ENPP2: variants seen among roughly 807,000 people sequenced by gnomAD.
The protein encoded by ENPP2 is ectonucleotide pyrophosphatase/phosphodiesterase 2.
In ENPP2, 51 loss-of-function variants were observed where a neutral mutation model predicts 120.2. The ratio of observed to expected loss-of-function variants is 0.42; its 90% CI spans 0.34 to 0.54. The LOEUF is 0.54. Ranked by LOEUF, ENPP2 falls within the 20% of genes least tolerant of loss-of-function variation. The pLI is 0.04. For missense variants in ENPP2, 920 were observed against 1,066.5 expected (o/e 0.86, Z 1.91); for synonymous variants, 365 against 366.4 (o/e 1.00, Z 0.04).
chr8:119,601,662 C>T (rs1587446266), intron 9 of ENPP2, among the ~76,000 whole-genome samples, 200 bp from the exon 10 acceptor site: 1 of 152,086 alleles, frequency 6.6e-6, no homozygotes, highest in East Asian at 1.9e-4. Context: ...GTTGCTCAAC[C>T]TCTTCCACAG....
intron 8 of ENPP2, among the ~76,000 whole-genome samples, chr8:119,611,354 G>A (rs973601017): frequency 4.6e-5 from 7 of 152,312 alleles, no homozygotes; most frequent in East Asian, 1.9e-4. Flanking sequence ...CCAGGGGATC[G>A]GTGGAGCACT....
chr8:119,570,919 C>T, intron 19 of ENPP2, 78 bp from the exon 20 acceptor site: 1 of 927,932 alleles, frequency 1.1e-6, no homozygotes. Context: ...TTGGAAGAGT[C>T]AAGTTACCTA....
At chr8:119,651,851 T>C (rs1476580949) in intron 1 of ENPP2, among the ~76,000 whole-genome samples, 1 of 152,026 alleles carries the variant, frequency 6.6e-6, no homozygotes, top group Non-Finnish European at 1.5e-5. Context: ...GAAACCAGAG[T>C]TTTCCAAATT....
At chr8:119,668,269 C>T (rs925563072) in intron 1 of ENPP2, among the ~76,000 whole-genome samples, 5 of 152,078 alleles carry the variant, frequency 3.3e-5, no homozygotes, top group African/African-American at 1.2e-4. Flanking sequence ...ATATTAGGTG[C>T]TCAAATAATA....
At chr8:119,669,385 C>G (rs1380329239) in intron 1 of ENPP2, among the ~76,000 whole-genome samples, 1 of 152,150 alleles carries the variant, frequency 6.6e-6, no homozygotes, top group African/African-American at 2.4e-5. Context: ...TAGTTAAATC[C>G]TCCAGCACCT....
intron 1 of ENPP2, among the ~76,000 whole-genome samples, chr8:119,646,687 A>G (rs1817478062): frequency 6.6e-6 from 1 of 152,228 alleles, no homozygotes; most frequent in Non-Finnish European, 1.5e-5. Context: ...AGAGTATTAC[A>G]TGAAATAATC....
At chr8:119,662,971 G>A (rs1817964537) in intron 1 of ENPP2, among the ~76,000 whole-genome samples, 1 of 151,894 alleles carries the variant, frequency 6.6e-6, no homozygotes, top group South Asian at 2.1e-4. Flanking sequence ...TTTTAAATTG[G>A]CCAGGTGTGA....
chr8:119,593,619 A>C, intron 12 of ENPP2, 133 bp downstream of exon 12: 2 of 643,840 alleles, frequency 3.1e-6, no homozygotes, highest in South Asian at 4.0e-5. Flanking sequence ...CCTGATTTCT[A>C]TCCCCATCTT....
chr8:119,615,954 C>CAG (rs761025467), intron 8 of ENPP2, among the ~76,000 whole-genome samples: 8 of 151,958 alleles, frequency 5.3e-5, no homozygotes, highest in Non-Finnish European at 1.2e-4. Context: ...TATATACACA[C>CAG]AGAGACACAT....
chr8:119,582,020 A>G (rs111556002), intron 18 of ENPP2, among the ~76,000 whole-genome samples: 1,606 of 152,304 alleles, frequency 0.011, 31 homozygotes, highest in African/African-American at 0.037. Flanking sequence ...GGCGTGAGCC[A>G]CCATACCTGG....
chr8:119,622,247 C>T (rs573093233), intron 3 of ENPP2, among the ~76,000 whole-genome samples: 3 of 152,054 alleles, frequency 2.0e-5, no homozygotes, highest in Non-Finnish European at 4.4e-5. Flanking sequence ...CTGTGCTTAG[C>T]GTTAATCAGT....
rs752916929 is a variant in ENPP2, at chr8:119,582,608, G to GA, written c.1544-7dup. 7.5e-6 allele frequency: 12 copies of GA among 1,600,286 alleles called. No individual in the cohort carries two copies. Among genetic ancestry groups the GA allele is most frequent in the Middle Eastern group, 1.7e-4 (1 of 6,026 alleles). On this transcript the variant is annotated splice_polypyrimidine_tract_variant and splice_region_variant and intron_variant, in intron 17 of 24. Coordinates refer to ENST00000075322, the MANE Select transcript of ENPP2 (RefSeq NM_001040092.3). The stretch of plus-strand genomic sequence containing the variant: ...TGGCTTCAATCCCAGGAGATCTAAT[G>GA]AAAATTAAGAAAAGGAGGCAGGTGC...
intron 22 of ENPP2, among the ~76,000 whole-genome samples, chr8:119,565,608 G>C (rs1370991346): frequency 6.6e-6 from 1 of 152,144 alleles, no homozygotes; most frequent in East Asian, 1.9e-4. Context: ...TTCTCTCCTA[G>C]CTATAGACAC....
At chr8:119,626,768 C>A (rs1379281615) in intron 2 of ENPP2, 48 bp from the exon 3 acceptor site, 1 of 1,584,752 alleles carries the variant, frequency 6.3e-7, no homozygotes, top group South Asian at 1.1e-5. Context: ...GTGGTCATGT[C>A]ACCATGGAAA....
intron 2 of ENPP2, among the ~76,000 whole-genome samples, chr8:119,637,076 T>G (rs1442218242): frequency 1.3e-5 from 2 of 152,166 alleles, no homozygotes; most frequent in Non-Finnish European, 2.9e-5. Context: ...CCCTTTAGTG[T>G]TCATTGAAAA....
upstream of ENPP2, among the ~76,000 whole-genome samples, chr8:119,639,373 C>A (rs1046567298): frequency 1.3e-5 from 2 of 152,190 alleles, no homozygotes; most frequent in Non-Finnish European, 2.9e-5. Flanking sequence ...ACATTCTCAG[C>A]TACTTCTGCC....
Position 119,647,709 on chromosome 8 carries a change from G to T in ENPP2, c.22-9182C>A, listed in dbSNP as rs543865157. ...AAAGCAATGTGCTATAGAGAATAAG[G>T]GTTTGGATTCTGTGGCCGGGCGCAG... On this transcript the variant is annotated intron_variant, in intron 1 of 25. Coordinates refer to the ENPP2 transcript ENST00000427067. Among the ~76,000 whole-genome samples the T allele has an allele frequency of 7.9e-5, 12 of 152,078 alleles. No homozygotes were observed. The South Asian group carries it at 2.3e-3, about 29-fold the overall frequency.
chr8:119,568,937 T>C (rs1482444035), intron 21 of ENPP2, among the ~76,000 whole-genome samples: 1 of 152,186 alleles, frequency 6.6e-6, no homozygotes, highest in African/African-American at 2.4e-5. Context: ...CCCTCTATAG[T>C]ATTACATAAA....
intron 19 of ENPP2, among the ~76,000 whole-genome samples, chr8:119,579,366 T>G (rs1812571135): frequency 6.6e-6 from 1 of 152,166 alleles, no homozygotes; most frequent in South Asian, 2.1e-4. Context: ...ATATGCCTCA[T>G]AAAAGCAGAA....
Sources: gnomAD v4.1 joint callset for allele counts (sites outside exome capture counted in the v4.1 genomes callset) on GRCh38, gnomAD v4.1.1 for gene constraint, MANE v1.5 for transcripts, NCBI Gene and HGNC (gene_info 2026-07-23, HGNC 2026-07-21) for gene names.